Variants in SOX6 observed in about 807,000 individuals in gnomAD.
SOX6 encodes the protein SRY-box transcription factor 6, also known as transcription factor SOX-6.
A neutral mutation model predicts 97.8 loss-of-function variants in SOX6; 11 were observed. That is an observed-to-expected ratio of 0.11 (90% CI 0.07 to 0.19). SOX6 has a LOEUF of 0.19. Among genes scored for constraint, SOX6 ranks in the 10% least tolerant of loss-of-function variants. The pLI is 1.00. For synonymous variants in SOX6, 360 were observed against 371.4 expected (o/e 0.97, Z 0.35); for missense variants, 810 against 1,039.5 (o/e 0.78, Z 3.04).
chr11:16,687,567 G>T (rs1847979045), intron 3 of SOX6, among the ~76,000 whole-genome samples: 1 of 152,210 alleles, frequency 6.6e-6, no homozygotes. Context: ...TTGCAGGCAT[G>T]TGCCACTATG....
chr11:16,045,771 G>A (rs1855809939), intron 12 of SOX6, among the ~76,000 whole-genome samples: 1 of 152,156 alleles, frequency 6.6e-6, no homozygotes, highest in African/African-American at 2.4e-5. Context: ...AGATGTCAAT[G>A]TCACTTCCTC....
chr11:16,071,336 A>C (rs1048092594), intron 9 of SOX6, among the ~76,000 whole-genome samples: 12 of 149,118 alleles, frequency 8.0e-5, no homozygotes, highest in South Asian at 6.5e-4. Context: ...CCTGCTAGAG[A>C]TTCTAGCCCA....
exon 3 of SOX6, chr11:16,714,866 C>A (rs1390614709): frequency 6.6e-6 from 1 of 152,118 alleles, no homozygotes; most frequent in African/African-American, 2.4e-5. Context: ...TTTCAAGGCT[C>A]TGATTTAAAA....
chr11:16,190,216 A>C (rs565641821), intron 4 of SOX6, among the ~76,000 whole-genome samples: 1 of 152,338 alleles, frequency 6.6e-6, no homozygotes. Context: ...TGGACTTAAA[A>C]GATACACGTT....
chr11:16,058,610 C>A (rs1024503717), intron 9 of SOX6, among the ~76,000 whole-genome samples: 13 of 151,972 alleles, frequency 8.6e-5, no homozygotes, highest in African/African-American at 2.7e-4. Context: ...AGACCATTTT[C>A]TTGGAGAGAT....
chr11:16,138,221 G>A (rs549337727), intron 6 of SOX6, among the ~76,000 whole-genome samples: 1 of 152,240 alleles, frequency 6.6e-6, no homozygotes, highest in African/African-American at 2.4e-5. Flanking sequence ...AAAAATAAGT[G>A]CTAGATAGTT....
chr11:16,397,762 A>G (rs559855139), intron 1 of SOX6, among the ~76,000 whole-genome samples: 1 of 151,714 alleles, frequency 6.6e-6, no homozygotes, highest in Admixed American at 6.6e-5. Context: ...TAAAAGGTAT[A>G]AATCTTTGTT....
rs34604334 is a variant in SOX6 at position 16,569,868 on chromosome 11, C to CAAAAAAAAAAA, written n.609+42202_609+42212dup. ...TGGGTGACTGATCAAGACTCCGTCT[C>CAAAAAAAAAAA]AAAAAAAAAAAAAAAAAGATATACT... On this transcript the variant is annotated intron_variant and non_coding_transcript_variant, in intron 4 of 5. Coordinates refer to the SOX6 transcript ENST00000524520. 4.2e-3 allele frequency among the ~76,000 whole-genome samples: 355 copies of CAAAAAAAAAAA among 84,690 alleles called. 16 individuals carry two copies. Among genetic ancestry groups the CAAAAAAAAAAA allele is most frequent in the African/African-American group, 0.016 (260 of 16,044 alleles). The allele number at this position is 84,690 out of a possible 152,430, so 55.6% of individuals were successfully genotyped here.
chr11:15,974,136 C>A (rs903812483), intron 15 of SOX6, among the ~76,000 whole-genome samples: 1 of 152,046 alleles, frequency 6.6e-6, no homozygotes, highest in Non-Finnish European at 1.5e-5. Flanking sequence ...TGTAACTATC[C>A]TTTTGGAGCC....
chr11:16,048,269 A>C (rs532669134), intron 11 of SOX6, among the ~76,000 whole-genome samples: 2 of 152,156 alleles, frequency 1.3e-5, no homozygotes, highest in Non-Finnish European at 2.9e-5. Flanking sequence ...ATTTAATTCT[A>C]TCTTCTATAT....
intron 2 of SOX6, among the ~76,000 whole-genome samples, chr11:16,728,319 C>A (rs1160859239): frequency 6.6e-6 from 1 of 152,204 alleles, no homozygotes; most frequent in East Asian, 1.9e-4. Flanking sequence ...AGACACCCCA[C>A]ACAGGAGAGC....
rs1443217290 is a variant in SOX6 at position 16,056,176 on chromosome 11, A to G, written c.1102-275T>C. 1.3e-5 allele frequency among the ~76,000 whole-genome samples: 2 copies of G among 151,494 alleles called. 1 individual carries two copies. The highest frequency in any genetic ancestry group is 2.9e-5 in the Non-Finnish European group (2 of 67,826). ...TTTAGAATTCAGGTTTTTTTTTTTAATTGTACAAAAAGGAATTCAACTAAG... is the reference window on the plus strand; with the variant it reads ...TTTAGAATTCAGGTTTTTTTTTTTAGTTGTACAAAAAGGAATTCAACTAAG... On this transcript the variant is annotated intron_variant, in intron 9 of 15. Coordinates refer to ENST00000683767, the MANE Select transcript of SOX6 (RefSeq NM_001367873.1).
At chr11:16,158,899 T>C (rs1286491435) in intron 6 of SOX6, among the ~76,000 whole-genome samples, 1 of 151,204 alleles carries the variant, frequency 6.6e-6, no homozygotes, top group East Asian at 1.9e-4. Context: ...TGTGTGTGTA[T>C]CTGTGTGTTT....
At chr11:16,179,811 T>C (rs1318341661) in intron 6 of SOX6, among the ~76,000 whole-genome samples, 1 of 151,926 alleles carries the variant, frequency 6.6e-6, no homozygotes, top group Non-Finnish European at 1.5e-5. Flanking sequence ...TAGTTAGTTA[T>C]GTGAGGAGAG....
intron 4 of SOX6, among the ~76,000 whole-genome samples, chr11:16,538,018 T>A (rs555607506): frequency 1.3e-5 from 2 of 152,150 alleles, no homozygotes; most frequent in South Asian, 2.1e-4. Context: ...CCAAGACACA[T>A]AATTTTCAGA....
At chr11:15,982,664 T>C (rs1347833656) in intron 15 of SOX6, among the ~76,000 whole-genome samples, 3 of 151,640 alleles carry the variant, frequency 2.0e-5, no homozygotes, top group Non-Finnish European at 4.4e-5. Flanking sequence ...GTTTAGGAAA[T>C]AAACGCAAGA....
Position 16,224,625 on chromosome 11 carries a change from T to C in SOX6, c.535+9957A>G, listed in dbSNP as rs749594663. 2.2e-3 allele frequency among the ~76,000 whole-genome samples: 334 copies of C among 152,086 alleles called. 2 individuals are homozygous for C. Among genetic ancestry groups the C allele is most frequent in the Non-Finnish European group, 3.9e-3 (263 of 67,902 alleles). On this transcript the variant is annotated intron_variant, in intron 4 of 15. Transcript: ENST00000683767. Reference sequence around the variant, plus strand: ...GAGAGTACAAAGGAGAGCTTTGAAATGTCTACATTCATGCAAAGTGGTATA... The same window carrying C: ...GAGAGTACAAAGGAGAGCTTTGAAACGTCTACATTCATGCAAAGTGGTATA...
At chr11:16,378,433 A>T (rs1254405174) in intron 1 of SOX6, among the ~76,000 whole-genome samples, 1 of 152,174 alleles carries the variant, frequency 6.6e-6, no homozygotes, top group Admixed American at 6.5e-5. Flanking sequence ...TTCAATTAAA[A>T]AGCACATAAA....
intron 3 of SOX6, among the ~76,000 whole-genome samples, chr11:16,710,635 C>A (rs751136977): frequency 6.6e-6 from 1 of 152,088 alleles, no homozygotes; most frequent in Non-Finnish European, 1.5e-5. Context: ...TTTTATCTGA[C>A]TTACAAGTTA....
Sources: gnomAD v4.1 joint callset for allele counts (sites outside exome capture counted in the v4.1 genomes callset) on GRCh38, gnomAD v4.1.1 for gene constraint, MANE v1.5 for transcripts, NCBI Gene and HGNC (gene_info 2026-07-23, HGNC 2026-07-21) for gene names.